Variants in ZNF385D observed in about 807,000 individuals in gnomAD.
The protein encoded by ZNF385D is zinc finger protein 385D, also known as zinc finger protein 659.
A neutral mutation model predicts 35.8 loss-of-function variants in ZNF385D; 15 were observed. The ratio of observed to expected loss-of-function variants is 0.42; its 90% CI spans 0.28 to 0.64. The LOEUF (loss-of-function observed/expected upper bound fraction) is 0.64. Ranked by LOEUF, ZNF385D falls within the 30% of genes least tolerant of loss-of-function variation. The probability of loss-of-function intolerance (pLI) is 0.23; values close to 1 mark genes in which losing one functional copy is unlikely to be tolerated. For missense variants in ZNF385D, 474 were observed against 494.6 expected, an observed-to-expected ratio of 0.96 and a Z score of 0.39; for synonymous variants, 212 against 186.8, an observed-to-expected ratio of 1.13 and a Z score of -1.10.
At chr3:21,475,998 C>T (rs2060531) in intron 4 of ZNF385D, among the ~76,000 whole-genome samples, 71,178 of 151,842 alleles carry the variant, frequency 0.47, 17,205 homozygotes, top group East Asian at 0.83. Context: ...AAGAATATTG[C>T]TTTCTCAGAA....
intron 2 of ZNF385D, among the ~76,000 whole-genome samples, chr3:21,574,937 G>T (rs3860581): frequency 7.9e-5 from 12 of 151,870 alleles, no homozygotes; most frequent in African/African-American, 1.9e-4. Flanking sequence ...TGGAGATCTA[G>T]GGATAGGACT....
At chr3:21,687,165 C>A (rs1268545536) in intron 1 of ZNF385D, among the ~76,000 whole-genome samples, 1 of 152,158 alleles carries the variant, frequency 6.6e-6, no homozygotes, top group East Asian at 1.9e-4. Context: ...CCACAGTCAA[C>A]AGCCAGCAGC....
intron 2 of ZNF385D, among the ~76,000 whole-genome samples, chr3:22,231,167 G>C (rs559563634): frequency 6.6e-6 from 1 of 152,092 alleles, no homozygotes; most frequent in East Asian, 1.9e-4. Flanking sequence ...TAGCCAAAAA[G>C]TGCAATTGTT....
At chr3:21,987,918 T>G (rs994554981) in intron 3 of ZNF385D, among the ~76,000 whole-genome samples, 3 of 146,326 alleles carry the variant, frequency 2.1e-5, no homozygotes, top group Non-Finnish European at 3.0e-5. Flanking sequence ...TTTCATTCAT[T>G]TCATCTTCCA....
intron 3 of ZNF385D, among the ~76,000 whole-genome samples, chr3:21,786,971 A>G (rs1005298658): frequency 1.3e-5 from 2 of 152,236 alleles, no homozygotes; most frequent in Non-Finnish European, 2.9e-5. Context: ...AATAGTGTGA[A>G]TTGAACACGT....
intron 3 of ZNF385D, among the ~76,000 whole-genome samples, chr3:21,993,133 G>A (rs1475059326): frequency 6.6e-6 from 1 of 152,092 alleles, no homozygotes; most frequent in Non-Finnish European, 1.5e-5. Context: ...TTCCACTGTG[G>A]TACTTAGGGA....
chr3:21,750,213 G>A (rs1349148281), intron 1 of ZNF385D, among the ~76,000 whole-genome samples: 2 of 152,212 alleles, frequency 1.3e-5, no homozygotes, highest in Non-Finnish European at 2.9e-5. Flanking sequence ...TGATAGCTCG[G>A]ATCCAAGCCT....
At chr3:22,298,075 C>A (rs1466637908) in intron 2 of ZNF385D, among the ~76,000 whole-genome samples, 1 of 151,874 alleles carries the variant, frequency 6.6e-6, no homozygotes, top group Non-Finnish European at 1.5e-5. Context: ...TCCTGTGTCT[C>A]TATTGCTTGA....
At chr3:21,713,323 T>G (rs1374057043) in intron 1 of ZNF385D, among the ~76,000 whole-genome samples, 1 of 152,148 alleles carries the variant, frequency 6.6e-6, no homozygotes, top group Non-Finnish European at 1.5e-5. Flanking sequence ...CAAACTTGAG[T>G]GCTCTGCAAT....
chr3:22,102,673 G>C (rs1197171473), intron 3 of ZNF385D, among the ~76,000 whole-genome samples: 1 of 151,970 alleles, frequency 6.6e-6, no homozygotes, highest in African/African-American at 2.4e-5. Flanking sequence ...TAAAGAAAAA[G>C]AATAAAGGCC....
In ZNF385D at chr3:22,346,912, C is replaced by T. The variant is rs149851206; in HGVS notation, c.106+25538G>A. Among the ~76,000 whole-genome samples the T allele has an allele frequency of 3.9e-5, 6 of 152,190 alleles. No homozygotes were observed. In the East Asian group the frequency reaches 7.7e-4, roughly 20 times the overall value. ...CATAATGGCATTTTTCATTCTGTTCCGGTTTATGATCAGTCAGATGTTGTT... is the reference window on the plus strand; with the variant it reads ...CATAATGGCATTTTTCATTCTGTTCTGGTTTATGATCAGTCAGATGTTGTT... On this transcript the variant is annotated intron_variant, in intron 2 of 5. Transcript: ENST00000494108.
chr3:21,446,732 A>C (rs1036603775), intron 4 of ZNF385D, among the ~76,000 whole-genome samples: 1 of 151,944 alleles, frequency 6.6e-6, no homozygotes, highest in Non-Finnish European at 1.5e-5. Context: ...ACCTCAGGTG[A>C]TCCGCCCTCC....
intron 1 of ZNF385D, among the ~76,000 whole-genome samples, chr3:21,714,768 G>A (rs187511906): frequency 5.9e-5 from 9 of 152,128 alleles, no homozygotes; most frequent in Admixed American, 2.6e-4. Context: ...CCATGAGAGG[G>A]TTATCTATAA....
chr3:21,495,805 G>C (rs1244928764), intron 4 of ZNF385D, among the ~76,000 whole-genome samples: 2 of 151,798 alleles, frequency 1.3e-5, no homozygotes, highest in Non-Finnish European at 2.9e-5. Context: ...ACACTAGCTA[G>C]ACTAAGAAAG....
chr3:22,159,648 A>T (rs1705816157), intron 3 of ZNF385D, among the ~76,000 whole-genome samples: 1 of 152,128 alleles, frequency 6.6e-6, no homozygotes, highest in South Asian at 2.1e-4. Flanking sequence ...AGGGTGAAAA[A>T]AATTGGTAAC....
chr3:22,308,638 A>G (rs1703367452), intron 2 of ZNF385D, among the ~76,000 whole-genome samples: 1 of 152,094 alleles, frequency 6.6e-6, no homozygotes, highest in South Asian at 2.1e-4. Flanking sequence ...GCATGAAAAA[A>G]GAGTTACTGA....
intron 3 of ZNF385D, among the ~76,000 whole-genome samples, chr3:22,015,319 AT>A (rs1320292218): frequency 1.3e-5 from 2 of 152,140 alleles, no homozygotes; most frequent in African/African-American, 4.8e-5. Flanking sequence ...TTGCACTATG[AT>A]TTTCAGTTGT....
intron 3 of ZNF385D, among the ~76,000 whole-genome samples, chr3:22,149,158 C>T (rs1451471589): frequency 2.0e-5 from 3 of 151,972 alleles, no homozygotes; most frequent in Admixed American, 6.6e-5. Context: ...TTTAGACCCC[C>T]GGCTGATTTG....
intron 1 of ZNF385D, among the ~76,000 whole-genome samples, chr3:21,670,891 C>A (rs1412332800): frequency 6.6e-6 from 1 of 151,856 alleles, no homozygotes; most frequent in East Asian, 1.9e-4. Context: ...AAAAAATGGA[C>A]CAGCATTCCT....
Sources: allele counts gnomAD v4.1 joint callset (sites outside exome capture counted in the v4.1 genomes callset), GRCh38; gene constraint gnomAD v4.1.1; transcripts MANE v1.5; gene names NCBI Gene and HGNC (gene_info 2026-07-23, HGNC 2026-07-21).